Variants in POFUT3 observed in about 807,000 individuals in gnomAD.
The protein encoded by POFUT3 is GDP-fucose protein O-fucosyltransferase 3.
At chr8:33,354,391 G>A in the POFUT3 span, among the ~76,000 whole-genome samples, 6 of 152,204 alleles carry the variant, frequency 3.9e-5, no homozygotes, top group East Asian at 5.8e-4. Flanking sequence ...TGTAAGCCCC[G>A]GTTTGAGTCT....
At chr8:33,421,719 C>G in the POFUT3 span, among the ~76,000 whole-genome samples, 1 of 152,220 alleles carries the variant, frequency 6.6e-6, no homozygotes, top group African/African-American at 2.4e-5. Flanking sequence ...AATGACTGTT[C>G]AGAACTCGTT....
chr8:33,329,895 CT>C, the POFUT3 span, among the ~76,000 whole-genome samples: 1 of 152,096 alleles, frequency 6.6e-6, no homozygotes, highest in Non-Finnish European at 1.5e-5. Flanking sequence ...TTCCTTTTTA[CT>C]TTGTAAGTCT....
chr8:33,424,779 T>G, the POFUT3 span, among the ~76,000 whole-genome samples: 1 of 152,142 alleles, frequency 6.6e-6, no homozygotes, highest in African/African-American at 2.4e-5. Context: ...AGGCCTCTAC[T>G]CTGGTAGCTC....
chr8:33,375,065 T>A, the POFUT3 span, among the ~76,000 whole-genome samples: 21 of 151,844 alleles, frequency 1.4e-4, no homozygotes, highest in South Asian at 4.2e-3. Flanking sequence ...TATTTTTTTT[T>A]ATTTTTAGTA....
the POFUT3 span, among the ~76,000 whole-genome samples, chr8:33,438,420 A>C: frequency 6.6e-6 from 1 of 152,218 alleles, no homozygotes; most frequent in African/African-American, 2.4e-5. Context: ...TCTACAAAAA[A>C]AATTAAAAAT....
the POFUT3 span, among the ~76,000 whole-genome samples, chr8:33,388,329 CTTT>C: frequency 0.013 from 1,092 of 83,732 alleles, 12 homozygotes; most frequent in African/African-American, 0.048. Flanking sequence ...AAGCAGAACT[CTTT>C]TTTTTTTTTT....
the POFUT3 span, among the ~76,000 whole-genome samples, chr8:33,433,670 G>A: frequency 2.8e-4 from 43 of 151,464 alleles, no homozygotes; most frequent in African/African-American, 9.9e-4. Context: ...TGTAATCCCA[G>A]CTACTTGGGA....
At chr8:33,383,244 T>C in the POFUT3 span, among the ~76,000 whole-genome samples, 1 of 152,132 alleles carries the variant, frequency 6.6e-6, no homozygotes, top group Non-Finnish European at 1.5e-5. Flanking sequence ...CCTAACAGAA[T>C]CACAGCACAG....
At chr8:33,435,249 GCT>G in the POFUT3 span, among the ~76,000 whole-genome samples, 1 of 139,162 alleles carries the variant, frequency 7.2e-6, no homozygotes, top group Non-Finnish European at 1.5e-5. Flanking sequence ...ATGGAGTCTT[GCT>G]CTGTCACCCA....
chr8:33,313,957 T>C, the POFUT3 span, among the ~76,000 whole-genome samples: 1 of 152,156 alleles, frequency 6.6e-6, no homozygotes, highest in South Asian at 2.1e-4. Context: ...AAAAATTTAA[T>C]GAGTTAGGGC....
chr8:33,404,866 C>T, the POFUT3 span, among the ~76,000 whole-genome samples: 1 of 151,968 alleles, frequency 6.6e-6, no homozygotes, highest in Non-Finnish European at 1.5e-5. Context: ...TAAATTTATA[C>T]AAATAAAATT....
the POFUT3 span, chr8:33,389,514 A>T: frequency 6.2e-7 from 1 of 1,614,208 alleles, no homozygotes; most frequent in Non-Finnish European, 8.5e-7. Flanking sequence ...GGTGGGTCAC[A>T]GTCTGACTGT....
the POFUT3 span, among the ~76,000 whole-genome samples, chr8:33,437,191 TC>T: frequency 1.3e-5 from 2 of 152,174 alleles, no homozygotes; most frequent in Non-Finnish European, 2.9e-5. Flanking sequence ...TGATTCCATG[TC>T]TTTGCTCTTG....
the POFUT3 span, among the ~76,000 whole-genome samples, chr8:33,444,494 G>T: frequency 1.3e-5 from 2 of 152,044 alleles, no homozygotes; most frequent in Non-Finnish European, 2.9e-5. Context: ...GAACCCCCAG[G>T]CTGGATTACT....
the POFUT3 span, chr8:33,372,008 G>A: frequency 1.2e-5 from 3 of 258,698 alleles, 1 homozygote; most frequent in South Asian, 4.4e-4. Context: ...GAAAGTGAGA[G>A]AGGTGGCTCA....
the POFUT3 span, among the ~76,000 whole-genome samples, chr8:33,317,787 C>T: frequency 6.6e-6 from 1 of 152,022 alleles, no homozygotes; most frequent in Non-Finnish European, 1.5e-5. Flanking sequence ...GTAACACACC[C>T]ACTCATCAAG....
At chr8:33,411,191 C>G in the POFUT3 span, among the ~76,000 whole-genome samples, 131 of 152,202 alleles carry the variant, frequency 8.6e-4, 1 homozygote, top group African/African-American at 3.0e-3. Context: ...AGAAAAATAG[C>G]AAATTCACTG....
At chr8:33,314,865 G>T in the POFUT3 span, among the ~76,000 whole-genome samples, 1 of 152,130 alleles carries the variant, frequency 6.6e-6, no homozygotes, top group Non-Finnish European at 1.5e-5. Context: ...TTACAGAGCT[G>T]TTGTAAGAAT....
chr8:33,430,680 C>T, the POFUT3 span, among the ~76,000 whole-genome samples: 1 of 152,292 alleles, frequency 6.6e-6, no homozygotes, highest in Admixed American at 6.5e-5. Context: ...CTCACCACAA[C>T]CTCCACTTCC....
Sources: allele counts gnomAD v4.1 joint callset (sites outside exome capture counted in the v4.1 genomes callset), GRCh38; gene constraint gnomAD v4.1.1; transcripts MANE v1.5; gene names NCBI Gene and HGNC (gene_info 2026-07-23, HGNC 2026-07-21).